The following EFNA5 variants were observed in gnomAD, a reference collection of about 807,000 sequenced individuals.
EFNA5 encodes ephrin A5.
A neutral mutation model predicts 22.9 loss-of-function variants in EFNA5; 5 were observed. The observed-to-expected ratio is 0.22, with a 90% CI of 0.11 to 0.46. EFNA5 has a LOEUF of 0.46. EFNA5 is among the 20% of genes least tolerant of loss of function. EFNA5 has a pLI of 0.99. For synonymous variants in EFNA5, 113 were observed against 112.2 expected (o/e 1.01, Z -0.04); for missense variants, 237 against 293.3 (o/e 0.81, Z 1.40).
chr5:107,513,468 G>A (rs1222839025), intron 1 of EFNA5, among the ~76,000 whole-genome samples: 1 of 152,168 alleles, frequency 6.6e-6, no homozygotes, highest in Non-Finnish European at 1.5e-5. Context: ...GAGTCAAAGT[G>A]TCTCACTTGT....
Position 107,379,432 on chromosome 5 carries a change from T to C in EFNA5, c.*1823A>G, listed in dbSNP as rs745788176. ...TAACATATACATCTTAAAAAACAAA[T>C]ATATAAAAAATTCTTATTTTGCTGG... is the stretch of plus-strand genomic sequence containing the variant. On this transcript the variant is annotated 3_prime_UTR_variant, in exon 5 of 5. Transcript: ENST00000333274. 1 of 151,290 alleles carries C rather than the reference T, an allele frequency of 6.6e-6. No individual in the cohort carries two copies. Among genetic ancestry groups the C allele is most frequent in the Non-Finnish European group, 1.5e-5 (1 of 67,950 alleles). 9.4% of individuals were successfully genotyped at this position (151,290 alleles called of 1,614,324 possible). A position where few individuals can be genotyped will look rare whatever the true frequency, so the allele number is the denominator to read the frequency against.
intron 2 of EFNA5, among the ~76,000 whole-genome samples, chr5:107,410,912 A>C (rs1160997278): frequency 6.6e-6 from 1 of 152,210 alleles, no homozygotes; most frequent in Non-Finnish European, 1.5e-5. Context: ...CAATGAAATA[A>C]AGCTGGAAAT....
chr5:107,446,760 T>TAAA (rs11371732), intron 1 of EFNA5, among the ~76,000 whole-genome samples: 1 of 151,456 alleles, frequency 6.6e-6, no homozygotes, highest in African/African-American at 2.4e-5. Flanking sequence ...ATAAAAAACT[T>TAAA]AAAAAAATAA....
At chr5:107,415,764 T>A (rs1272324552) in intron 2 of EFNA5, among the ~76,000 whole-genome samples, 1 of 152,254 alleles carries the variant, frequency 6.6e-6, no homozygotes, top group Non-Finnish European at 1.5e-5. Context: ...ACTGCAAGTC[T>A]GTAAAACACT....
chr5:107,647,041 T>C (rs1750644066), intron 1 of EFNA5, among the ~76,000 whole-genome samples: 2 of 152,134 alleles, frequency 1.3e-5, no homozygotes, highest in Non-Finnish European at 2.9e-5. Context: ...AAAGCCCCTA[T>C]AATGCAAAAT....
chr5:107,416,499 G>A (rs536627800), intron 2 of EFNA5, among the ~76,000 whole-genome samples: 8 of 152,112 alleles, frequency 5.3e-5, no homozygotes, highest in African/African-American at 9.6e-5. Context: ...TGATAGTACC[G>A]GCCTCACAGA....
At chr5:107,637,941 G>T (rs1391867876) in intron 1 of EFNA5, among the ~76,000 whole-genome samples, 2 of 151,550 alleles carry the variant, frequency 1.3e-5, no homozygotes, top group Non-Finnish European at 2.9e-5. Context: ...CCGCCTCCTG[G>T]GTTCATGCCA....
intron 1 of EFNA5, among the ~76,000 whole-genome samples, chr5:107,496,673 G>A (rs1474042986): frequency 2.0e-5 from 3 of 152,180 alleles, no homozygotes; most frequent in Non-Finnish European, 2.9e-5. Flanking sequence ...GCTGTCTGTT[G>A]GGGCTTGCTA....
intron 1 of EFNA5, among the ~76,000 whole-genome samples, chr5:107,641,638 T>C (rs1050423524): frequency 6.6e-6 from 1 of 152,230 alleles, no homozygotes; most frequent in Non-Finnish European, 1.5e-5. Flanking sequence ...TGATTTTATT[T>C]GATGCAATAC....
intron 1 of EFNA5, among the ~76,000 whole-genome samples, chr5:107,596,721 G>A (rs891938397): frequency 6.6e-6 from 1 of 152,044 alleles, no homozygotes; most frequent in Non-Finnish European, 1.5e-5. Flanking sequence ...AGCAAAAGGA[G>A]GTAGATGGAA....
intron 1 of EFNA5, among the ~76,000 whole-genome samples, chr5:107,604,960 C>A (rs1177349893): frequency 3.9e-5 from 6 of 152,128 alleles, no homozygotes; most frequent in African/African-American, 1.4e-4. Context: ...TTATCTCCTG[C>A]CTATTCATAG....
At chr5:107,591,929 ATATAATATATATAT>A (rs1749349840) in intron 1 of EFNA5, among the ~76,000 whole-genome samples, 1 of 18,958 alleles carries the variant, frequency 5.3e-5, no homozygotes, top group African/African-American at 3.3e-4. Flanking sequence ...TATATATAAT[ATATAATATATATAT>A]TATATATAAT....
intron 1 of EFNA5, among the ~76,000 whole-genome samples, chr5:107,576,289 G>A (rs1275503330): frequency 6.6e-6 from 1 of 152,098 alleles, no homozygotes; most frequent in Non-Finnish European, 1.5e-5. Context: ...GACCATCACG[G>A]CAATCACATA....
intron 1 of EFNA5, among the ~76,000 whole-genome samples, chr5:107,490,225 T>C (rs1746764437): frequency 6.7e-6 from 1 of 150,332 alleles, no homozygotes; most frequent in African/African-American, 2.5e-5. Flanking sequence ...AACCAGTGCA[T>C]AGTGAACTTG....
intron 1 of EFNA5, among the ~76,000 whole-genome samples, chr5:107,449,193 C>T (rs770100172): frequency 7.2e-5 from 11 of 152,108 alleles, no homozygotes; most frequent in Non-Finnish European, 1.3e-4. Context: ...ACTGAGACTA[C>T]GGCTAATTCT....
chr5:107,378,145 A>G lies in EFNA5; in HGVS notation c.*3110T>C, dbSNP rs1363863228. On this transcript the variant is annotated 3_prime_UTR_variant, in exon 5 of 5. Coordinates refer to ENST00000333274, the MANE Select transcript of EFNA5 (RefSeq NM_001962.3). ...AATTAATACTTTATTATCAAACACTATGTACAACAGAGGTTGCTAATAATA... is the reference window on the plus strand; with the variant it reads ...AATTAATACTTTATTATCAAACACTGTGTACAACAGAGGTTGCTAATAATA... The G allele has an allele frequency of 6.6e-6, 1 of 151,584 alleles. No individual in the cohort carries two copies. The highest frequency in any genetic ancestry group is 1.9e-4 in the East Asian group (1 of 5,180). 9.4% of individuals were successfully genotyped at this position (151,584 alleles called of 1,614,324 possible).
At position 107,416,747 on chromosome 5, in the gene EFNA5, T is replaced by C. The variant is rs560054452; in HGVS notation, c.418+10470A>G. On this transcript the variant is annotated intron_variant, in intron 2 of 4. Coordinates refer to ENST00000333274, the MANE Select transcript of EFNA5 (RefSeq NM_001962.3). The stretch of plus-strand genomic sequence containing the variant: ...TGAACTGAACTGCCCCCACTGTATA[T>C]AGTAAGACCTCTAAGCAATATACTA... Among the ~76,000 whole-genome samples, 7 of 152,290 alleles carry C rather than the reference T, an allele frequency of 4.6e-5. No individual in the cohort carries two copies. In the South Asian group the frequency reaches 8.3e-4, roughly 18 times the overall value.
At chr5:107,573,246 C>T (rs960582928) in intron 1 of EFNA5, among the ~76,000 whole-genome samples, 15 of 151,974 alleles carry the variant, frequency 9.9e-5, no homozygotes, top group African/African-American at 2.9e-4. Flanking sequence ...GGCATCTAGG[C>T]GTGAGCAGAG....
intron 1 of EFNA5, among the ~76,000 whole-genome samples, chr5:107,603,754 C>T (rs1020459572): frequency 1.8e-4 from 28 of 152,176 alleles, no homozygotes; most frequent in Non-Finnish European, 1.0e-4. Context: ...CCGTGAGGAG[C>T]TGTGACTTAT....
Sources: allele counts gnomAD v4.1 joint callset (sites outside exome capture counted in the v4.1 genomes callset), GRCh38; gene constraint gnomAD v4.1.1; transcripts MANE v1.5; gene names NCBI Gene and HGNC (gene_info 2026-07-23, HGNC 2026-07-21).